CCDC171: variants seen among roughly 807,000 people sequenced by gnomAD.
CCDC171 encodes coiled-coil domain containing 171.
CCDC171 carries 177 observed loss-of-function variants against 168.2 expected under a neutral mutation model. The ratio of observed to expected loss-of-function variants is 1.05; its 90% CI spans 0.93 to 1.19. The LOEUF (loss-of-function observed/expected upper bound fraction) is 1.19, where lower values mean the gene tolerates loss of function less well. CCDC171 is among the 50% of genes most tolerant of loss of function. CCDC171 has a pLI of 0.00. For synonymous variants in CCDC171, 687 were observed against 540.8 expected (o/e 1.27, Z -3.75); for missense variants, 1,991 against 1,539.0 (o/e 1.29, Z -4.91).
chr9:15,817,467 G>A (rs2059603463), intron 21 of CCDC171, among the ~76,000 whole-genome samples: 1 of 117,996 alleles, frequency 8.5e-6, no homozygotes, highest in Non-Finnish European at 1.9e-5. Context: ...GTGACAGAGG[G>A]CACCTGGAAA....
chr9:15,933,283 C>G (rs2132172768), intron 25 of CCDC171, among the ~76,000 whole-genome samples: 1 of 151,920 alleles, frequency 6.6e-6, no homozygotes, highest in African/African-American at 2.4e-5. Context: ...TGTTTTTGGT[C>G]TGTTCAGATT....
chr9:16,033,131 G>T (rs2133043593), intron 6 of CCDC171, among the ~76,000 whole-genome samples: 1 of 152,298 alleles, frequency 6.6e-6, no homozygotes, highest in East Asian at 1.9e-4. Context: ...ACAGGGCTAG[G>T]ATAAAACCAC....
intron 8 of CCDC171, among the ~76,000 whole-genome samples, chr9:15,660,826 T>A (rs1180813568): frequency 6.6e-6 from 1 of 152,222 alleles, no homozygotes; most frequent in Non-Finnish European, 1.5e-5. Flanking sequence ...ATTTATTTTC[T>A]TTTGGATATA....
At chr9:15,910,973 C>G (rs1424549282) in intron 24 of CCDC171, among the ~76,000 whole-genome samples, 1 of 152,106 alleles carries the variant, frequency 6.6e-6, no homozygotes, top group Non-Finnish European at 1.5e-5. Context: ...GGTTCCGAGT[C>G]TTTGCTATTG....
At chr9:16,038,866 C>CAAAAAAA (rs375463651), upstream of CCDC171, among the ~76,000 whole-genome samples, 1 of 50,428 alleles carries the variant, frequency 2.0e-5, no homozygotes. Flanking sequence ...CCTATCAGGC[C>CAAAAAAA]AAAAAAAAAA....
chr9:16,050,020 G>T (rs1267319295), intron 1 of CCDC171, among the ~76,000 whole-genome samples: 2 of 152,150 alleles, frequency 1.3e-5, no homozygotes, highest in South Asian at 4.1e-4. Context: ...CCAAGTAGCT[G>T]GGATTACAGG....
rs532405617 is a variant in CCDC171, at chr9:15,903,309, G to A, written c.3601-16961G>A. ...GTAGGGGCAGACTGACACCTCACAT[G>A]GCCGGGTACTCCTCTGAGACAAAAC... On this transcript the variant is annotated intron_variant, in intron 24 of 25. Transcript: ENST00000380701. 1.6e-4 allele frequency among the ~76,000 whole-genome samples: 24 copies of A among 152,144 alleles called. No individual in the cohort carries two copies. In the East Asian group the frequency reaches 2.1e-3, roughly 14 times the overall value.
intron 10 of CCDC171, among the ~76,000 whole-genome samples, chr9:15,694,605 A>G (rs925700813): frequency 6.6e-6 from 1 of 152,070 alleles, no homozygotes; most frequent in African/African-American, 2.4e-5. Flanking sequence ...ATCAGTCTCA[A>G]CTCTTCTTTT....
At chr9:15,933,059 C>G (rs1172645725) in intron 25 of CCDC171, among the ~76,000 whole-genome samples, 1 of 151,672 alleles carries the variant, frequency 6.6e-6, no homozygotes, top group Non-Finnish European at 1.5e-5. Context: ...TTTTTTTTGT[C>G]TGTGTGTCCT....
chr9:15,653,651 C>T (rs2047701332), intron 7 of CCDC171, among the ~76,000 whole-genome samples: 1 of 152,114 alleles, frequency 6.6e-6, no homozygotes, highest in Non-Finnish European at 1.5e-5. Context: ...TGAACACTAA[C>T]CCCCACCCCT....
chr9:15,980,862 C>G (rs570914154), intron 3 of CCDC171, among the ~76,000 whole-genome samples: 2 of 144,110 alleles, frequency 1.4e-5, no homozygotes, highest in South Asian at 4.9e-4. Context: ...TTTCATACTG[C>G]TGATAAAGAC....
downstream of CCDC171, among the ~76,000 whole-genome samples, chr9:15,978,076 G>A (rs1005693099): frequency 2.0e-5 from 3 of 152,264 alleles, no homozygotes; most frequent in Non-Finnish European, 4.4e-5. Context: ...CACATGGAAA[G>A]CTTTGGAACG....
At chr9:15,827,307 A>G (rs904360532) in intron 21 of CCDC171, among the ~76,000 whole-genome samples, 3 of 152,078 alleles carry the variant, frequency 2.0e-5, no homozygotes, top group Admixed American at 6.5e-5. Context: ...TATTCCAAGT[A>G]TAGTCTTTTA....
Position 15,784,504 on chromosome 9 carries a change from T to A in CCDC171, c.3082-5T>A. 1 of 1,602,988 alleles carries A rather than the reference T, an allele frequency of 6.2e-7. No individual in the cohort carries two copies. The highest frequency in any genetic ancestry group is 8.5e-7 in the Non-Finnish European group (1 of 1,171,774). ...ACTGATTCTCCCCTCTCCTCCTTTT[T>A]ACAGAAATTGATCACCCATGAGAAG... On this transcript the variant is annotated splice_region_variant and splice_polypyrimidine_tract_variant and intron_variant, in intron 20 of 25. Coordinates refer to ENST00000380701, the MANE Select transcript of CCDC171 (RefSeq NM_173550.4).
intron 18 of CCDC171, among the ~76,000 whole-genome samples, chr9:15,764,454 G>T (rs923024893): frequency 9.2e-5 from 14 of 152,178 alleles, no homozygotes; most frequent in Admixed American, 4.6e-4. Flanking sequence ...TTTGAAGATA[G>T]AGCTGATAGG....
At chr9:16,083,854 C>T in the CCDC171 span, among the ~76,000 whole-genome samples, 1 of 152,184 alleles carries the variant, frequency 6.6e-6, no homozygotes, top group East Asian at 1.9e-4. Flanking sequence ...TTCAAGAACT[C>T]GCTGAGTTAA....
chr9:15,656,957 G>A (rs1057430084), intron 7 of CCDC171, among the ~76,000 whole-genome samples, 170 bp from the exon 8 acceptor site: 2 of 151,780 alleles, frequency 1.3e-5, no homozygotes, highest in African/African-American at 4.8e-5. Flanking sequence ...AGCAGGCTCT[G>A]GAAGCATTCT....
At chr9:15,768,510 G>T (rs573390853) in intron 18 of CCDC171, among the ~76,000 whole-genome samples, 1 of 152,064 alleles carries the variant, frequency 6.6e-6, no homozygotes, top group Non-Finnish European at 1.5e-5. Context: ...CTGTCTCCCA[G>T]CCTTCCTTCA....
intron 16 of CCDC171, among the ~76,000 whole-genome samples, chr9:15,740,848 G>C (rs1277320252): frequency 6.6e-6 from 1 of 151,964 alleles, no homozygotes; most frequent in Non-Finnish European, 1.5e-5. Context: ...AAAACAAACT[G>C]GTTTGTTTTT....
Sources: allele counts gnomAD v4.1 joint callset (sites outside exome capture counted in the v4.1 genomes callset), GRCh38; gene constraint gnomAD v4.1.1; transcripts MANE v1.5; gene names NCBI Gene and HGNC (gene_info 2026-07-23, HGNC 2026-07-21).